ZNF609: variants seen among roughly 807,000 people sequenced by gnomAD.
The protein encoded by ZNF609 is zinc finger protein 609.
A neutral mutation model predicts 109.5 loss-of-function variants in ZNF609; 11 were observed. The ratio of observed to expected loss-of-function variants is 0.10; its 90% CI spans 0.06 to 0.17. The LOEUF (loss-of-function observed/expected upper bound fraction) is 0.17, where lower values mean the gene tolerates loss of function less well. ZNF609 is among the 10% of genes least tolerant of loss of function. The pLI, the probability that ZNF609 is intolerant of heterozygous loss-of-function variation, is 1.00. For missense variants in ZNF609, 1,559 were observed against 1,772.4 expected, an observed-to-expected ratio of 0.88 and a Z score of 2.16; for synonymous variants, 646 against 662.0, an observed-to-expected ratio of 0.98 and a Z score of 0.37.
intron 2 of ZNF609, among the ~76,000 whole-genome samples, chr15:64,580,201 G>A (rs946940380): frequency 6.6e-6 from 1 of 152,144 alleles, no homozygotes; most frequent in Non-Finnish European, 1.5e-5. Context: ...GCCTCCTAAA[G>A]CCTAGAAAAA....
At chr15:64,498,084 C>G (rs1034426350) in intron 1 of ZNF609, among the ~76,000 whole-genome samples, 1 of 152,020 alleles carries the variant, frequency 6.6e-6, no homozygotes, top group East Asian at 1.9e-4. Flanking sequence ...GAGTCTTACT[C>G]TGTCACCCAG....
chr15:64,496,112 T>C (rs1893479000), intron 1 of ZNF609, among the ~76,000 whole-genome samples: 1 of 152,172 alleles, frequency 6.6e-6, no homozygotes, highest in African/African-American at 2.4e-5. Flanking sequence ...AGCCTGTGCC[T>C]GGCCTCTGTT....
chr15:64,529,839 T>A (rs1420129848), intron 2 of ZNF609, among the ~76,000 whole-genome samples: 1 of 152,244 alleles, frequency 6.6e-6, no homozygotes. Flanking sequence ...TGAGTGATTC[T>A]CCTGCCTCAG....
chr15:64,472,573 C>G (rs1893107204), intron 1 of ZNF609, among the ~76,000 whole-genome samples: 1 of 152,078 alleles, frequency 6.6e-6, no homozygotes, highest in Non-Finnish European at 1.5e-5. Context: ...AGTGAATGTT[C>G]ATGAATATAA....
intron 2 of ZNF609, among the ~76,000 whole-genome samples, chr15:64,609,112 C>CTTTCTT (rs1895668235): frequency 8.6e-5 from 3 of 34,712 alleles, no homozygotes; most frequent in African/African-American, 1.8e-4. Flanking sequence ...TTCTTTCTTT[C>CTTTCTT]TTTCTTTCTT....
chr15:64,605,578 A>G (rs766346757), intron 2 of ZNF609, among the ~76,000 whole-genome samples: 1 of 152,224 alleles, frequency 6.6e-6, no homozygotes. Flanking sequence ...AACACTTTAC[A>G]TTCAGTTAAT....
intron 3 of ZNF609, among the ~76,000 whole-genome samples, chr15:64,664,321 A>G (rs1896618200): frequency 6.6e-6 from 1 of 152,174 alleles, no homozygotes; most frequent in Non-Finnish European, 1.5e-5. Flanking sequence ...TATCACCTTG[A>G]AGAAGGGAGA....
intron 2 of ZNF609, among the ~76,000 whole-genome samples, chr15:64,532,356 ACT>A (rs1297463235): frequency 6.6e-6 from 1 of 151,918 alleles, no homozygotes; most frequent in Non-Finnish European, 1.5e-5. Flanking sequence ...TAGAATGTAA[ACT>A]CTACCAAGGC....
At chr15:64,555,144 C>T (rs1331320659) in intron 2 of ZNF609, among the ~76,000 whole-genome samples, 1 of 151,072 alleles carries the variant, frequency 6.6e-6, no homozygotes, top group Admixed American at 6.6e-5. Context: ...GTGGGAGGAT[C>T]GTTTGAGCCC....
chr15:64,620,556 CT>C (rs1433351302), intron 2 of ZNF609, among the ~76,000 whole-genome samples: 1 of 152,118 alleles, frequency 6.6e-6, no homozygotes, highest in Non-Finnish European at 1.5e-5. Flanking sequence ...GCAAATATGC[CT>C]TTTGGCATTT....
chr15:64,582,493 C>A (rs1895120689), intron 2 of ZNF609, among the ~76,000 whole-genome samples: 1 of 152,146 alleles, frequency 6.6e-6, no homozygotes, highest in Non-Finnish European at 1.5e-5. Flanking sequence ...TTTTCAAGTA[C>A]TTCCCTACTG....
chr15:64,474,494 T>A (rs1042895737), intron 1 of ZNF609, among the ~76,000 whole-genome samples: 2 of 152,218 alleles, frequency 1.3e-5, no homozygotes, highest in African/African-American at 2.4e-5. Flanking sequence ...ATTACAGGTG[T>A]GAGCCTGGCC....
chr15:64,534,837 A>G (rs996873159), intron 2 of ZNF609, among the ~76,000 whole-genome samples: 1 of 152,096 alleles, frequency 6.6e-6, no homozygotes, highest in African/African-American at 2.4e-5. Context: ...GATTGAGACC[A>G]GTCTGCCCAA....
intron 1 of ZNF609, among the ~76,000 whole-genome samples, chr15:64,492,421 T>C (rs1186180487): frequency 6.6e-6 from 1 of 152,248 alleles, no homozygotes; most frequent in African/African-American, 2.4e-5. Flanking sequence ...CATTTTCCTT[T>C]ATTTTTCTTA....
intron 2 of ZNF609, among the ~76,000 whole-genome samples, chr15:64,538,285 G>C (rs1894188061): frequency 6.6e-6 from 1 of 152,200 alleles, no homozygotes; most frequent in Admixed American, 6.5e-5. Context: ...AGATCAAAAA[G>C]TCAGTTGCTA....
intron 2 of ZNF609, among the ~76,000 whole-genome samples, chr15:64,620,532 C>G (rs16948120): frequency 0.052 from 7,911 of 152,206 alleles, 694 homozygotes; most frequent in African/African-American, 0.18. Context: ...TATAAATGCC[C>G]AGTTTTCAAG....
intron 4 of ZNF609, among the ~76,000 whole-genome samples, chr15:64,670,976 A>T (rs1896718130): frequency 6.6e-6 from 1 of 151,650 alleles, no homozygotes; most frequent in African/African-American, 2.4e-5. Flanking sequence ...TTGGGAGGCC[A>T]AGGCGGGTGG....
chr15:64,528,492 G>A (rs555187615), intron 2 of ZNF609, among the ~76,000 whole-genome samples: 28 of 151,548 alleles, frequency 1.8e-4, no homozygotes, highest in African/African-American at 6.3e-4. Context: ...GCACTTTATT[G>A]ATGGTACATG....
intron 2 of ZNF609, among the ~76,000 whole-genome samples, chr15:64,547,229 G>T (rs528826757): frequency 2.8e-4 from 43 of 152,254 alleles, no homozygotes; most frequent in African/African-American, 9.9e-4. Flanking sequence ...TCTAGCAGTT[G>T]TTTTATTTTA....
Sources: gnomAD v4.1 joint callset for allele counts (sites outside exome capture counted in the v4.1 genomes callset) on GRCh38, gnomAD v4.1.1 for gene constraint, MANE v1.5 for transcripts, NCBI Gene and HGNC (gene_info 2026-07-23, HGNC 2026-07-21) for gene names.